The following PRMT8 variants were observed in gnomAD, a reference collection of about 807,000 sequenced individuals.
PRMT8 encodes the protein protein arginine N-methyltransferase 8.
Under a neutral mutation model 47.1 loss-of-function variants are expected in PRMT8, and 7 were observed. The ratio of observed to expected loss-of-function variants is 0.15; its 90% CI spans 0.08 to 0.28. PRMT8 has a LOEUF of 0.28. Among genes scored for constraint, PRMT8 ranks in the 10% least tolerant of loss-of-function variants. The pLI, the probability that PRMT8 is intolerant of heterozygous loss-of-function variation, is 1.00. For synonymous variants in PRMT8, 188 were observed against 186.5 expected, an observed-to-expected ratio of 1.01 and a Z score of -0.07; for missense variants, 237 against 505.4, an observed-to-expected ratio of 0.47 and a Z score of 5.09.
At chr12:3,541,211 C>T (rs1014809528) in intron 2 of PRMT8, among the ~76,000 whole-genome samples, 1 of 152,206 alleles carries the variant, frequency 6.6e-6, no homozygotes, top group Admixed American at 6.5e-5. Flanking sequence ...ATTCTTTTGA[C>T]CAATGAGCAC....
At chr12:3,461,004 C>T (rs752802569) in intron 1 of PRMT8, among the ~76,000 whole-genome samples, 26 of 152,158 alleles carry the variant, frequency 1.7e-4, no homozygotes, top group Admixed American at 2.0e-4. Flanking sequence ...TATCTTTTTC[C>T]AGTAGGTGTG....
intron 3 of PRMT8, 71 bp from the exon 4 acceptor site, chr12:3,553,580 C>T (rs1190294833): frequency 2.4e-6 from 3 of 1,272,404 alleles, no homozygotes; most frequent in Non-Finnish European, 3.4e-6. Flanking sequence ...GCGTCTCTAT[C>T]CATTGAATCG....
intron 4 of PRMT8, among the ~76,000 whole-genome samples, chr12:3,558,720 A>G (rs748665981): frequency 9.9e-5 from 15 of 152,184 alleles, no homozygotes; most frequent in Non-Finnish European, 1.8e-4. Context: ...CAGGTTCTGC[A>G]TCTTGGGTAG....
At chr12:3,391,123 G>A (rs138865374) in intron 1 of PRMT8, among the ~76,000 whole-genome samples, 2 of 152,230 alleles carry the variant, frequency 1.3e-5, no homozygotes, top group African/African-American at 4.8e-5. Flanking sequence ...CACTCATCCT[G>A]TGATTCATTT....
At chr12:3,489,835 GCGCGCA>G (rs1865359584), upstream of PRMT8, among the ~76,000 whole-genome samples, 1 of 102,272 alleles carries the variant, frequency 9.8e-6, no homozygotes, top group African/African-American at 3.6e-5. Context: ...ACACACACAC[GCGCGCA>G]CACACACACA....
At chr12:3,467,353 G>A (rs544116270) in intron 1 of PRMT8, among the ~76,000 whole-genome samples, 1 of 151,264 alleles carries the variant, frequency 6.6e-6, no homozygotes, top group Admixed American at 6.6e-5. Context: ...AGCCACTTCC[G>A]ATGAAGAAGG....
intron 1 of PRMT8, among the ~76,000 whole-genome samples, chr12:3,384,676 C>T (rs79002308): frequency 2.6e-4 from 40 of 152,172 alleles, no homozygotes; most frequent in African/African-American, 5.8e-4. Flanking sequence ...TTCTCAGAAT[C>T]CTACAGGCTT....
rs114706017 is a variant in PRMT8, at chr12:3,482,318, C to T, written c.49-58288C>T. 3.6e-3 allele frequency among the ~76,000 whole-genome samples: 547 copies of T among 152,314 alleles called. 4 individuals are homozygous for T. Among genetic ancestry groups the T allele is most frequent in the African/African-American group, 0.012 (503 of 41,564 alleles). On this transcript the variant is annotated intron_variant, in intron 1 of 9. Coordinates refer to the PRMT8 transcript ENST00000452611. The stretch of plus-strand genomic sequence containing the variant: ...GTTGGGGCATATATGCAAAGTTGTT[C>T]TGATACTATTCTCCTCCTCCTTCCT...
At chr12:3,398,015 C>T (rs1864276758) in intron 1 of PRMT8, among the ~76,000 whole-genome samples, 1 of 152,058 alleles carries the variant, frequency 6.6e-6, no homozygotes, top group Admixed American at 6.5e-5. Context: ...AAAGGGAACT[C>T]CCTGACCCCT....
chr12:3,434,772 C>A (rs1332302139), intron 1 of PRMT8, among the ~76,000 whole-genome samples: 1 of 148,528 alleles, frequency 6.7e-6, no homozygotes, highest in East Asian at 2.0e-4. Context: ...AACTCAGATT[C>A]CAGCTGGGAC....
chr12:3,521,958 C>T (rs550909945), intron 1 of PRMT8, among the ~76,000 whole-genome samples: 4 of 152,122 alleles, frequency 2.6e-5, no homozygotes, highest in African/African-American at 7.2e-5. Context: ...AGGGGAATTA[C>T]GGAAAGTTTA....
In PRMT8 at chr12:3,512,185, G is replaced by A. The variant is rs114052683; in HGVS notation, c.75+20485G>A. 3.3e-3 allele frequency among the ~76,000 whole-genome samples: 510 copies of A among 152,244 alleles called. 6 individuals are homozygous for A. Among genetic ancestry groups the A allele is most frequent in the African/African-American group, 0.012 (490 of 41,534 alleles). On this transcript the variant is annotated intron_variant, in intron 1 of 9. Transcript: ENST00000382622. The stretch of plus-strand genomic sequence containing the variant: ...TACACTAGACACTGTTGCTTGTTGC[G>A]TTTGACTTGATACCCACTGCTCTGT...
intron 1 of PRMT8, among the ~76,000 whole-genome samples, chr12:3,515,752 G>A (rs1331866103): frequency 6.6e-6 from 1 of 152,196 alleles, no homozygotes; most frequent in Non-Finnish European, 1.5e-5. Context: ...GAACTAGCAG[G>A]GCGGGCCCCA....
intron 1 of PRMT8, among the ~76,000 whole-genome samples, chr12:3,498,767 CTT>C (rs1048338989): frequency 5.9e-5 from 9 of 152,164 alleles, no homozygotes; most frequent in Admixed American, 3.3e-4. Flanking sequence ...TAAAATTTAT[CTT>C]TGTAGTTTCA....
At chr12:3,404,468 C>T (rs1045676950) in intron 1 of PRMT8, among the ~76,000 whole-genome samples, 1 of 152,168 alleles carries the variant, frequency 6.6e-6, no homozygotes, top group Non-Finnish European at 1.5e-5. Context: ...CTAACTACCA[C>T]CCAGGTCAAG....
intron 8 of PRMT8, among the ~76,000 whole-genome samples, chr12:3,585,371 T>C (rs538753805): frequency 1.4e-5 from 2 of 142,274 alleles, no homozygotes; most frequent in East Asian, 2.0e-4. Flanking sequence ...TTTTTTTTTT[T>C]TCTCAGAGAC....
At chr12:3,515,540 T>A (rs2137134646) in intron 1 of PRMT8, among the ~76,000 whole-genome samples, 1 of 152,076 alleles carries the variant, frequency 6.6e-6, no homozygotes, top group South Asian at 2.1e-4. Context: ...AAAAAAGAAA[T>A]GCAAATTGCC....
intron 1 of PRMT8, among the ~76,000 whole-genome samples, chr12:3,437,752 G>A (rs1340633294): frequency 6.6e-6 from 1 of 151,952 alleles, no homozygotes; most frequent in African/African-American, 2.4e-5. Flanking sequence ...CTGACTGTGT[G>A]ACCTTAGGGA....
Position 3,576,995 on chromosome 12 carries a change from A to G in PRMT8, c.828+9A>G, listed in dbSNP as rs1866957064. 2 of 1,611,448 alleles carry G rather than the reference A, an allele frequency of 1.2e-6. No individual in the cohort carries two copies. The highest frequency in any genetic ancestry group is 1.7e-6 in the Non-Finnish European group (2 of 1,177,708). ...ATGCCTGTTTGATAAAGGTCTGGAC[A>G]CTCATCCGGGGTGGACCTGGGTGTG... On this transcript the variant is annotated intron_variant, in intron 7 of 9. Transcript: ENST00000382622. The surrounding 1 kb of genome is among the most constrained non-coding windows in gnomAD (Gnocchi z 4.0).
Sources: gnomAD v4.1 joint callset for allele counts (sites outside exome capture counted in the v4.1 genomes callset) on GRCh38, gnomAD v4.1.1 for gene constraint, Gnocchi (gnomAD v3.1) non-coding constraint, MANE v1.5 for transcripts, NCBI Gene and HGNC (gene_info 2026-07-23, HGNC 2026-07-21) for gene names.